Variants in MBNL2 observed in about 807,000 individuals in gnomAD.
MBNL2 encodes muscleblind-like protein 2.
In MBNL2, 17 loss-of-function variants were observed where a neutral mutation model predicts 41.9. That is an observed-to-expected ratio of 0.41 (90% confidence interval 0.28 to 0.61). The LOEUF is 0.61. Among genes scored for constraint, MBNL2 ranks in the 20% least tolerant of loss-of-function variants. The pLI is 0.35. For missense variants in MBNL2, 336 were observed against 505.6 expected, an observed-to-expected ratio of 0.66 and a Z score of 3.22; for synonymous variants, 195 against 182.9, an observed-to-expected ratio of 1.07 and a Z score of -0.53.
chr13:97,235,431 A>G (rs1411451769), intron 1 of MBNL2, among the ~76,000 whole-genome samples: 1 of 152,198 alleles, frequency 6.6e-6, no homozygotes, highest in East Asian at 1.9e-4. Flanking sequence ...AGGAGTGATT[A>G]TTTTTGGAAA....
intron 7 of MBNL2, among the ~76,000 whole-genome samples, chr13:97,358,646 T>G (rs1594262212): frequency 6.6e-6 from 1 of 152,168 alleles, no homozygotes; most frequent in African/African-American, 2.4e-5. Flanking sequence ...TTTTCACCTT[T>G]TAGTCAATGT....
intron 1 of MBNL2, among the ~76,000 whole-genome samples, chr13:97,256,620 G>C (rs1566370326): frequency 1.3e-5 from 2 of 152,250 alleles, no homozygotes; most frequent in South Asian, 2.1e-4. Context: ...CCATGGCTTG[G>C]TAAGACCTCC....
intron 2 of MBNL2, among the ~76,000 whole-genome samples, chr13:97,302,980 T>C (rs2057776172): frequency 6.6e-6 from 1 of 152,208 alleles, no homozygotes; most frequent in Non-Finnish European, 1.5e-5. Context: ...GGTTCAGAGA[T>C]GTGAAATGAC....
At chr13:97,208,583 T>TA in the MBNL2 span, among the ~76,000 whole-genome samples, 4 of 152,104 alleles carry the variant, frequency 2.6e-5, no homozygotes, top group Non-Finnish European at 5.9e-5. Flanking sequence ...ACAGGCCATG[T>TA]AAAAAAAGTC....
chr13:97,352,306 C>T (rs2062574803), intron 5 of MBNL2, among the ~76,000 whole-genome samples: 1 of 152,198 alleles, frequency 6.6e-6, no homozygotes, highest in Non-Finnish European at 1.5e-5. Flanking sequence ...ATGCCTTCCT[C>T]ACTAAGCTTA....
At chr13:97,300,225 G>A (rs2057483498) in intron 2 of MBNL2, among the ~76,000 whole-genome samples, 2 of 152,110 alleles carry the variant, frequency 1.3e-5, no homozygotes, top group South Asian at 4.1e-4. Flanking sequence ...TTACAGCAAG[G>A]AGGGTTGGAA....
At chr13:97,162,678 C>T in the MBNL2 span, among the ~76,000 whole-genome samples, 2 of 152,190 alleles carry the variant, frequency 1.3e-5, no homozygotes, top group Non-Finnish European at 2.9e-5. Flanking sequence ...AGAAAAAGAA[C>T]ATTGTGCAGC....
chr13:97,332,436 T>C (rs1018755383), intron 2 of MBNL2, among the ~76,000 whole-genome samples: 1 of 152,174 alleles, frequency 6.6e-6, no homozygotes, highest in Non-Finnish European at 1.5e-5. Flanking sequence ...GAATGCTCTC[T>C]TGGAGATTTG....
the MBNL2 span, among the ~76,000 whole-genome samples, chr13:97,145,793 G>GGT: frequency 6.6e-6 from 1 of 152,080 alleles, no homozygotes; most frequent in African/African-American, 2.4e-5. Flanking sequence ...CTTGCCCTCT[G>GGT]GTGCTATAAG....
intron 8 of MBNL2, among the ~76,000 whole-genome samples, chr13:97,373,304 T>G (rs538612990): frequency 1.3e-5 from 2 of 152,172 alleles, no homozygotes; most frequent in South Asian, 4.1e-4. Context: ...TTGCTTACAT[T>G]CTAACTGTAG....
intron 1 of MBNL2, among the ~76,000 whole-genome samples, chr13:97,253,750 T>TTATTAATACGTATTAATTTATTAATACG (rs2047011840): frequency 7.6e-6 from 1 of 131,934 alleles, no homozygotes; most frequent in African/African-American, 4.1e-5. Flanking sequence ...AACATTGTAT[T>TTATTAATACGTATTAATTTATTAATACG]TATTAATACG....
chr13:97,177,334 C>T, the MBNL2 span, among the ~76,000 whole-genome samples: 1 of 152,118 alleles, frequency 6.6e-6, no homozygotes, highest in East Asian at 1.9e-4. Flanking sequence ...ATGAGAGACT[C>T]TGTCTCCAAA....
chr13:97,203,312 T>A, the MBNL2 span, among the ~76,000 whole-genome samples: 14,625 of 152,186 alleles, frequency 0.096, 1,409 homozygotes, highest in African/African-American at 0.25. Context: ...TTAATTCACA[T>A]ACAAATTGGC....
chr13:97,359,978 C>T (rs1461545522), intron 7 of MBNL2, among the ~76,000 whole-genome samples: 1 of 152,064 alleles, frequency 6.6e-6, no homozygotes, highest in Non-Finnish European at 1.5e-5. Context: ...TTCTGATTTT[C>T]TTTCTTATAA....
At chr13:97,211,779 A>G in the MBNL2 span, among the ~76,000 whole-genome samples, 2 of 152,216 alleles carry the variant, frequency 1.3e-5, no homozygotes, top group Admixed American at 1.3e-4. Flanking sequence ...CTTTGCACAA[A>G]TTATTTTAAA....
chr13:97,201,137 T>C, the MBNL2 span, among the ~76,000 whole-genome samples: 1 of 151,844 alleles, frequency 6.6e-6, no homozygotes, highest in Admixed American at 6.6e-5. Context: ...GAGTGATGAG[T>C]TTTTAATGAT....
In MBNL2 at chr13:97,276,307, A is replaced by G; in HGVS notation, c.72A>G (p.Arg24=). 1 of 1,614,032 alleles carries G rather than the reference A, an allele frequency of 6.2e-7. No homozygotes were observed. Among genetic ancestry groups the G allele is most frequent in the South Asian group, 1.1e-5 (1 of 91,082 alleles). The change falls in exon 2 of 9, where the codon AGA becomes AGG. Residue 24 remains arginine (R), a synonymous_variant. Coordinates refer to ENST00000679496, the MANE Select transcript of MBNL2 (RefSeq NM_001382683.1). The part of the protein sequence containing the change: ...LTLEVCRQFQ[R]GTCSRSDEEC... ...TAGAAGTCTGCAGACAGTTTCAAAG[A>G]GGAACATGCTCACGCTCTGATGAAG...
intron 5 of MBNL2, among the ~76,000 whole-genome samples, chr13:97,352,456 A>C (rs1448138385): frequency 6.6e-6 from 1 of 152,144 alleles, no homozygotes; most frequent in African/African-American, 2.4e-5. Flanking sequence ...GAGGAAGGAG[A>C]GAGAGGGGTG....
At chr13:97,292,739 G>T (rs1224358062) in intron 2 of MBNL2, among the ~76,000 whole-genome samples, 1 of 151,418 alleles carries the variant, frequency 6.6e-6, no homozygotes, top group Non-Finnish European at 1.5e-5. Flanking sequence ...TGAAGTAACT[G>T]TACTTCTTGA....
Sources: allele counts gnomAD v4.1 joint callset (sites outside exome capture counted in the v4.1 genomes callset), GRCh38; gene constraint gnomAD v4.1.1; transcripts MANE v1.5; gene names NCBI Gene and HGNC (gene_info 2026-07-23, HGNC 2026-07-21).